Variants in SVIL observed in about 807,000 individuals in gnomAD.
SVIL encodes the protein archvillin.
In SVIL, 101 loss-of-function variants were observed where a neutral mutation model predicts 240.4. The observed-to-expected ratio is 0.42, with a 90% confidence interval of 0.36 to 0.50. The LOEUF (loss-of-function observed/expected upper bound fraction) is 0.50. Among genes scored for constraint, SVIL ranks in the 20% least tolerant of loss-of-function variants. The pLI is 0.01. For synonymous variants in SVIL, 999 were observed against 1,100.0 expected, an observed-to-expected ratio of 0.91 and a Z score of 1.82; for missense variants, 2,512 against 2,818.7, an observed-to-expected ratio of 0.89 and a Z score of 2.46.
At chr10:29,673,515 AG>A (rs1467863028) in intron 2 of SVIL, among the ~76,000 whole-genome samples, 1 of 151,410 alleles carries the variant, frequency 6.6e-6, no homozygotes, top group East Asian at 2.0e-4. Context: ...GGGAGGCCCC[AG>A]GAAACTTAAA....
At chr10:29,669,253 T>C (rs895217394) in intron 2 of SVIL, among the ~76,000 whole-genome samples, 2 of 152,098 alleles carry the variant, frequency 1.3e-5, no homozygotes, top group Non-Finnish European at 2.9e-5. Flanking sequence ...AGAGTTTTGC[T>C]GGAGGAAAGA....
intron 2 of SVIL, among the ~76,000 whole-genome samples, chr10:29,681,258 C>T (rs957663485): frequency 4.6e-5 from 7 of 151,836 alleles, no homozygotes; most frequent in African/African-American, 1.2e-4. Flanking sequence ...ATTTAGGGCA[C>T]GTGCAGGCAA....
At position 29,473,881 on chromosome 10, in the gene SVIL, G is replaced by A. The variant is rs751498024; in HGVS notation, c.5486C>T (p.Ser1829Leu). The A allele has an allele frequency of 4.3e-6, 7 of 1,613,956 alleles. No individual in the cohort carries two copies. The highest frequency in any genetic ancestry group is 1.1e-5 in the South Asian group (1 of 91,050). Residue 1829 changes from serine to leucine, a missense_variant, in exon 30 of 38, where the codon TCG becomes TTG. Ser to Leu is a moderately radical substitution (Grantham distance 145). Transcript: ENST00000355867. ...RHSTVSEKGT[S>L]ALMTVELDEE... ...GTCCAGCTCCACCGTCATCAGCGCCGACGTGCCCTTCTCACTCACGGTGGA... is the reference window on the plus strand; with the variant it reads ...GTCCAGCTCCACCGTCATCAGCGCCAACGTGCCCTTCTCACTCACGGTGGA...
chr10:29,632,605 C>T (rs1958143346), intron 1 of SVIL, among the ~76,000 whole-genome samples: 1 of 151,994 alleles, frequency 6.6e-6, no homozygotes, highest in African/African-American at 2.4e-5. Context: ...TATCACAAAA[C>T]AGTCTGTCTC....
chr10:29,613,982 A>T (rs1325940730), intron 1 of SVIL, among the ~76,000 whole-genome samples: 1 of 152,158 alleles, frequency 6.6e-6, no homozygotes, highest in Non-Finnish European at 1.5e-5. Context: ...TTCCTCGGTG[A>T]ATCAGCTGCA....
intron 25 of SVIL, 74 bp from the exon 26 acceptor site, chr10:29,486,304 T>A (rs1947396169): frequency 6.3e-7 from 1 of 1,592,190 alleles, no homozygotes; most frequent in Non-Finnish European, 8.6e-7. Context: ...TGTGAATGAA[T>A]TTCACATTGT....
intron 1 of SVIL, among the ~76,000 whole-genome samples, chr10:29,633,479 T>C (rs1187626226): frequency 1.3e-5 from 2 of 152,084 alleles, no homozygotes; most frequent in African/African-American, 2.4e-5. Context: ...CAGTGAGTCA[T>C]TGAGAAAACC....
In SVIL at chr10:29,493,058, T is replaced by C. The variant is rs559572059; in HGVS notation, c.4019+156A>G. On this transcript the variant is annotated intron_variant, in intron 21 of 37. Coordinates refer to ENST00000355867, the MANE Select transcript of SVIL (RefSeq NM_021738.3). ...TGCGAGGCTCCGTGCCCCTGGCTCC[T>C]GCAACACCTTGCCCTGGCTCTAGAA... Among the ~76,000 whole-genome samples the C allele has an allele frequency of 3.7e-3, 558 of 152,284 alleles. 5 individuals are homozygous for C. Among genetic ancestry groups the C allele is most frequent in the African/African-American group, 0.013 (535 of 41,564 alleles).
At chr10:29,529,091 G>A (rs1021564722) in intron 12 of SVIL, among the ~76,000 whole-genome samples, 2 of 144,994 alleles carry the variant, frequency 1.4e-5, no homozygotes, top group African/African-American at 2.6e-5. Context: ...CAGGAGAATC[G>A]CTTGAACCCA....
chr10:29,507,112 G>T (rs1191336210), intron 17 of SVIL, among the ~76,000 whole-genome samples: 1 of 152,084 alleles, frequency 6.6e-6, no homozygotes, highest in African/African-American at 2.4e-5. Context: ...GGGGGCCCAT[G>T]GTCTCTAGTT....
At chr10:29,586,955 C>G (rs1021682871) in intron 1 of SVIL, among the ~76,000 whole-genome samples, 8 of 152,098 alleles carry the variant, frequency 5.3e-5, no homozygotes, top group African/African-American at 1.9e-4. Flanking sequence ...AAGCTTAGTA[C>G]CTGGGTGATG....
At chr10:29,509,955 T>C (rs1589046953) in intron 17 of SVIL, among the ~76,000 whole-genome samples, 1 of 152,308 alleles carries the variant, frequency 6.6e-6, no homozygotes, top group South Asian at 2.1e-4. Context: ...CGAGCTGGAG[T>C]GCAGTGGCAC....
intron 2 of SVIL, among the ~76,000 whole-genome samples, chr10:29,667,809 T>A (rs866426420): frequency 4.6e-4 from 70 of 151,720 alleles, no homozygotes; most frequent in African/African-American, 1.6e-3. Flanking sequence ...GAACCATGCC[T>A]GTGCCACTGT....
At chr10:29,662,778 TACACACAC>T (rs3040508) in intron 2 of SVIL, among the ~76,000 whole-genome samples, 1 of 149,392 alleles carries the variant, frequency 6.7e-6, no homozygotes, top group Non-Finnish European at 1.5e-5. Flanking sequence ...TGTGCGCGCG[TACACACAC>T]ACACACACAC....
chr10:29,504,465 T>C lies in SVIL; in HGVS notation c.3517-5202A>G, dbSNP rs147131979. ...TCTGATAAAGGACTACTACCCCAAA[T>C]ATACAAAGAACTGTTAAAACTCAAC... On this transcript the variant is annotated intron_variant, in intron 17 of 37. Coordinates refer to ENST00000355867, the MANE Select transcript of SVIL (RefSeq NM_021738.3). Among the ~76,000 whole-genome samples the C allele has an allele frequency of 1.4e-4, 21 of 152,106 alleles. No individual in the cohort carries two copies. The East Asian group carries it at 4.1e-3, about 29-fold the overall frequency.
chr10:29,650,387 T>C (rs1034266075), intron 3 of SVIL, among the ~76,000 whole-genome samples: 2 of 152,170 alleles, frequency 1.3e-5, no homozygotes, highest in African/African-American at 2.4e-5. Context: ...TCTGTGTGTG[T>C]GCATTTTGAG....
chr10:29,654,356 T>A (rs1448782585), intron 3 of SVIL, among the ~76,000 whole-genome samples: 1 of 152,194 alleles, frequency 6.6e-6, no homozygotes, highest in Non-Finnish European at 1.5e-5. Flanking sequence ...CAAGTATATA[T>A]AACAAAATTG....
At chr10:29,564,847 C>A (rs1364628036) in intron 2 of SVIL, among the ~76,000 whole-genome samples, 2 of 152,214 alleles carry the variant, frequency 1.3e-5, no homozygotes, top group Non-Finnish European at 2.9e-5. Flanking sequence ...CCTAGGACAC[C>A]TGCCTAGTCA....
At chr10:29,544,237 T>C (rs1564611589) in intron 6 of SVIL, among the ~76,000 whole-genome samples, 1 of 152,246 alleles carries the variant, frequency 6.6e-6, no homozygotes, top group Non-Finnish European at 1.5e-5. Context: ...TAAGAATGGC[T>C]ATTAACTTTT....
Sources: allele counts gnomAD v4.1 joint callset (sites outside exome capture counted in the v4.1 genomes callset), GRCh38; gene constraint gnomAD v4.1.1; transcripts MANE v1.5; gene names NCBI Gene and HGNC (gene_info 2026-07-23, HGNC 2026-07-21).